The following ABCA7 variants were observed in gnomAD, a reference collection of about 807,000 sequenced individuals.
ABCA7 encodes the protein ATP binding cassette subfamily A member 7, also known as phospholipid-transporting ATPase ABCA7.
In ABCA7, 261 loss-of-function variants were observed where a neutral mutation model predicts 227.6. That is an observed-to-expected ratio of 1.15 (90% CI 1.04 to 1.27). ABCA7 has a LOEUF of 1.27. Among genes scored for constraint, ABCA7 ranks in the 50% most tolerant of loss-of-function variants. ABCA7 has a pLI of 0.00. For synonymous variants in ABCA7, 1,488 were observed against 1,279.7 expected (o/e 1.16, Z -3.47); for missense variants, 3,331 against 2,924.5 (o/e 1.14, Z -3.21).
In ABCA7 at chr19:1,053,401, A is replaced by AGCTGGT. The variant is rs2041951581; in HGVS notation, c.3304_3309dup (p.Val1102_Leu1103dup). Reference sequence around the variant, plus strand: ...CGGCTGGTGGAGGAGCTGCCACACGAGCTGGTGCTGGTGCTGCCCTACACG... The same window carrying AGCTGGT: ...CGGCTGGTGGAGGAGCTGCCACACGAGCTGGTGCTGGTGCTGGTGCTGCCCTACACG... On this transcript the variant is annotated inframe_insertion, in exon 24 of 47. Transcript: ENST00000263094. The AGCTGGT allele has an allele frequency of 1.2e-6, 2 of 1,608,198 alleles. No individual in the cohort carries two copies. The highest frequency in any genetic ancestry group is 1.7e-6 in the Non-Finnish European group (2 of 1,178,978).
chr19:1,060,763 G>T lies in ABCA7; in HGVS notation c.5464-1019G>T, dbSNP rs1313926164. Among the ~76,000 whole-genome samples the T allele has an allele frequency of 4.6e-5, 7 of 152,060 alleles. No homozygotes were observed. In the East Asian group the frequency reaches 1.4e-3, roughly 30 times the overall value. ...TTGAACTCTTGACCTCAGGTGATCT[G>T]CCCACCTCGGCTTCCCAAAGTGCTG... On this transcript the variant is annotated intron_variant, in intron 40 of 46. Transcript: ENST00000263094.
At position 1,063,795 on chromosome 19, in the gene ABCA7, GCGCTTC is replaced by G; in HGVS notation, c.5885_5890del (p.Arg1962_Phe1963del). The G allele has an allele frequency of 6.5e-7, 1 of 1,546,774 alleles. No homozygotes were observed. Among genetic ancestry groups the G allele is most frequent in the African/African-American group, 1.4e-5 (1 of 73,172 alleles). ...CCACAGGCATGGACCCCAGCGCGCG[GCGCTTC>G]CTTTGGAACAGCCTTTTGGCCGTGG... On this transcript the variant is annotated inframe_deletion, in exon 44 of 47. Coordinates refer to ENST00000263094, the MANE Select transcript of ABCA7 (RefSeq NM_019112.4).
intron 35 of ABCA7, 47 bp from the exon 36 acceptor site, chr19:1,057,868 C>A: frequency 6.2e-7 from 1 of 1,606,668 alleles, no homozygotes. Flanking sequence ...CCTCTCAGGG[C>A]TTCTCAGTCT....
Position 1,053,773 on chromosome 19 carries a change from T to C in ABCA7, c.3424-15T>C. On this transcript the variant is annotated splice_polypyrimidine_tract_variant and intron_variant, in intron 24 of 46. Transcript: ENST00000263094. Reference sequence around the variant, plus strand: ...TGTCGGTGTCCAGTCTCTGAGCCCCTGCTTGTCTCCCCAGATCTTCCTGAA... The same window carrying C: ...TGTCGGTGTCCAGTCTCTGAGCCCCCGCTTGTCTCCCCAGATCTTCCTGAA... The C allele has an allele frequency of 6.2e-7, 1 of 1,609,330 alleles. No individual in the cohort carries two copies. The highest frequency in any genetic ancestry group is 8.5e-7 in the Non-Finnish European group (1 of 1,177,116).
intron 41 of ABCA7, 25 bp downstream of exon 41, chr19:1,061,913 G>A (rs2042682486): frequency 1.3e-6 from 2 of 1,550,446 alleles, no homozygotes; most frequent in South Asian, 1.2e-5. Flanking sequence ...GTAGGGTCAG[G>A]GTGGGGCAGG....
rs1245527209 is a variant in ABCA7, at chr19:1,063,793, C to T, written c.5881C>T (p.Arg1961Trp). ...EPTTGMDPSA[R>W]RFLWNSLLAV... ...GACCACAGGCATGGACCCCAGCGCG[C>T]GGCGCTTCCTTTGGAACAGCCTTTT... The change falls in exon 44 of 47, where the codon CGG (arginine) becomes TGG (tryptophan). Residue 1961 changes from arginine to tryptophan, a missense_variant. Arg to Trp is a moderately radical substitution (Grantham distance 101, BLOSUM62 -3). Coordinates refer to ENST00000263094, the MANE Select transcript of ABCA7 (RefSeq NM_019112.4). 7 of 1,546,590 alleles carry T rather than the reference C, an allele frequency of 4.5e-6. No homozygotes were observed. The highest frequency in any genetic ancestry group is 2.4e-5 in the East Asian group (1 of 41,016).
chr19:1,043,750 C>A lies in ABCA7; in HGVS notation c.956C>A (p.Thr319Asn). ...AQVNRTFEEL[T>N]LLRDVREVWE... Reference sequence around the variant, plus strand: ...GTGAACCGGACCTTCGAGGAGCTCACCCTGCTGAGGGATGTCCGGGAGGTG... The same window carrying A: ...GTGAACCGGACCTTCGAGGAGCTCAACCTGCTGAGGGATGTCCGGGAGGTG... The change falls in exon 10 of 47, where the codon ACC becomes AAC. Residue 319 changes from threonine (T) to asparagine (N), a missense_variant. Transcript: ENST00000263094. 6.2e-7 allele frequency: 1 copy of A among 1,613,054 alleles called. No homozygotes were observed. The highest frequency in any genetic ancestry group is 1.1e-5 in the South Asian group (1 of 91,074).
rs772183547 is a variant in ABCA7, at chr19:1,065,440, C to A, written c.*15C>A. On this transcript the variant is annotated 3_prime_UTR_variant, in exon 47 of 47. Transcript: ENST00000263094. ...CTGTGCTCTGAGCCTCCCTCCCCTG[C>A]GGGGCCGCGGGGAGGCCCTGGGAAT... The A allele has an allele frequency of 2.1e-5, 34 of 1,611,748 alleles. No individual in the cohort carries two copies. The highest frequency in any genetic ancestry group is 2.9e-5 in the Non-Finnish European group (34 of 1,179,104).
chr19:1,051,011 C>T lies in ABCA7; in HGVS notation c.2643C>T (p.Pro881=), dbSNP rs746183107. The T allele has an allele frequency of 6.2e-7, 1 of 1,612,188 alleles. No individual in the cohort carries two copies. Among genetic ancestry groups the T allele is most frequent in the African/African-American group, 1.3e-5 (1 of 74,908 alleles). The change falls in exon 19 of 47, where the codon CCC becomes CCT. Residue 881 remains proline (P), a synonymous_variant. Coordinates refer to ENST00000263094, the MANE Select transcript of ABCA7 (RefSeq NM_019112.4). ...GCTCCAGCATGGCCGCCATCCGGCC[C>T]CACCTGGGCGTCTGTCCTCAGTACA... is the stretch of plus-strand genomic sequence containing the variant. ...DVRSSMAAIR[P]HLGVCPQYNV...
Position 1,055,914 on chromosome 19 carries a change from A to C in ABCA7, c.4213A>C (p.Thr1405Pro), listed in dbSNP as rs2042210174. ...TGTCCATCTCTCCCACAGCCTGAAG[A>C]CTAAGAAGTGGGTGAATGAGGTCAG... Reference protein sequence around the residue: ...YPRLVRQGLKTKKWVNEVRYG... With the variant: ...YPRLVRQGLKPKKWVNEVRYG... The change falls in exon 31 of 47, where the codon ACT (threonine) becomes CCT (proline). Residue 1405 changes from threonine to proline, a missense_variant. Coordinates refer to ENST00000263094, the MANE Select transcript of ABCA7 (RefSeq NM_019112.4). The C allele has an allele frequency of 1.9e-6, 3 of 1,593,058 alleles. No individual in the cohort carries two copies. The highest frequency in any genetic ancestry group is 2.6e-6 in the Non-Finnish European group (3 of 1,169,028).
At position 1,051,138 on chromosome 19, in the gene ABCA7, C is replaced by T. The variant is rs2041585553; in HGVS notation, c.2685-17C>T. On this transcript the variant is annotated splice_polypyrimidine_tract_variant and intron_variant, in intron 19 of 46. Coordinates refer to ENST00000263094, the MANE Select transcript of ABCA7 (RefSeq NM_019112.4). The stretch of plus-strand genomic sequence containing the variant: ...TGCCTGCCATGTGGGTCACTCTGCT[C>T]TGTGCACTGGCCGCAGGCTGACCGT... 6.2e-7 allele frequency: 1 copy of T among 1,611,296 alleles called. No homozygotes were observed. Among genetic ancestry groups the T allele is most frequent in the African/African-American group, 1.3e-5 (1 of 75,014 alleles).
At position 1,058,477 on chromosome 19, in the gene ABCA7, T is replaced by C; in HGVS notation, c.5150-141T>C. ...ATTACATCACAAGAGGCCTCTTCTGTTTTCTATGCCAATTAGACTCCAGCT... is the reference window on the plus strand; with the variant it reads ...ATTACATCACAAGAGGCCTCTTCTGCTTTCTATGCCAATTAGACTCCAGCT... On this transcript the variant is annotated intron_variant, in intron 37 of 46. Transcript: ENST00000263094. 3.4e-6 allele frequency: 5 copies of C among 1,452,850 alleles called. No individual in the cohort carries two copies. The South Asian group carries it at 6.5e-5, about 19-fold the overall frequency. The allele number at this position is 1,452,850 out of a possible 1,614,324, so 90.0% of individuals were successfully genotyped here.
intron 40 of ABCA7, 31 bp from the exon 41 acceptor site, chr19:1,061,751 C>T (rs1444005022): frequency 3.1e-6 from 5 of 1,588,590 alleles, no homozygotes; most frequent in Non-Finnish European, 4.3e-6. Context: ...CCTGGGGCCT[C>T]ACTGAGCACC....
In ABCA7 at chr19:1,047,140, C is replaced by G. The variant is rs776306372; in HGVS notation, c.1846-17C>G. The G allele has an allele frequency of 6.3e-7, 1 of 1,591,554 alleles. No individual in the cohort carries two copies. The highest frequency in any genetic ancestry group is 8.5e-7 in the Non-Finnish European group (1 of 1,171,932). ...CAATCCAGGAGCTGCACCCTAAGCT[C>G]CCGTTGCCTCTCACAGCTGGGAGAC... On this transcript the variant is annotated splice_polypyrimidine_tract_variant and intron_variant, in intron 14 of 46. Coordinates refer to ENST00000263094, the MANE Select transcript of ABCA7 (RefSeq NM_019112.4).
Position 1,051,198 on chromosome 19 carries a change from G to C in ABCA7, c.2728G>C (p.Gly910Arg). ...CGTCTGGTTCTATGGGCGGCTGAAG[G>C]GTCTGAGTGCCGCTGTAGTGGGCCC... ...EHVWFYGRLKGLSAAVVGPEQ... is the reference protein window; with the variant it reads ...EHVWFYGRLKRLSAAVVGPEQ... Residue 910 changes from glycine to arginine, a missense_variant, in exon 20 of 47, where the codon GGT (glycine) becomes CGT (arginine). Gly to Arg is a moderately radical substitution (Grantham distance 125). Coordinates refer to ENST00000263094, the MANE Select transcript of ABCA7 (RefSeq NM_019112.4). 6.2e-7 allele frequency: 1 copy of C among 1,611,310 alleles called. No homozygotes were observed. Among genetic ancestry groups the C allele is most frequent in the Non-Finnish European group, 8.5e-7 (1 of 1,179,902 alleles).
rs758646366 is a variant in ABCA7 at position 1,051,310 on chromosome 19, A to G, written c.2824+16A>G. The G allele has an allele frequency of 1.3e-6, 2 of 1,581,252 alleles. No homozygotes were observed. The highest frequency in any genetic ancestry group is 1.7e-6 in the Non-Finnish European group (2 of 1,162,692). ...CACCTCTCTGGTGAGCCCATCCCCA[A>G]GGGAGGTCACCTCACAGGGAGGGGC... On this transcript the variant is annotated intron_variant, in intron 20 of 46. Coordinates refer to ENST00000263094, the MANE Select transcript of ABCA7 (RefSeq NM_019112.4).
chr19:1,047,226 A>C lies in ABCA7; in HGVS notation c.1915A>C (p.Thr639Pro). The C allele has an allele frequency of 6.2e-7, 1 of 1,608,996 alleles. No individual in the cohort carries two copies. ...FLFLAAFAVATVTQSFLLSAF... is the reference protein window; with the variant it reads ...FLFLAAFAVAPVTQSFLLSAF... ...GTTCTTGGCAGCCTTCGCGGTGGCC[A>C]CGGTGACCCAGAGCTTCCTGCTCAG... Residue 639 changes from threonine to proline, a missense_variant, in exon 15 of 47, where the codon ACG (threonine) becomes CCG (proline). Physicochemically the swap from Thr to Pro is conservative, Grantham distance 38. Coordinates refer to ENST00000263094, the MANE Select transcript of ABCA7 (RefSeq NM_019112.4).
In ABCA7 at chr19:1,054,101, G is replaced by C. The variant is rs148143428; in HGVS notation, c.3568G>C (p.Gly1190Arg). 1.2e-6 allele frequency: 2 copies of C among 1,613,220 alleles called. No individual in the cohort carries two copies. The highest frequency in any genetic ancestry group is 8.5e-7 in the Non-Finnish European group (1 of 1,179,952). Residue 1190 changes from glycine to arginine, a missense_variant, in exon 26 of 47, where the codon GGG (glycine) becomes CGG (arginine). Coordinates refer to ENST00000263094, the MANE Select transcript of ABCA7 (RefSeq NM_019112.4). The surrounding 1 kb of genome is among the most constrained non-coding windows in gnomAD (Gnocchi z 4.8). ...MPPQETALEN[G>R]EPAGSAPETD... ...GCCACAGGAGACAGCGCTGGAGAAC[G>C]GGGAACCAGGTAAGTCCTTCCCAGT...
chr19:1,060,455 C>G (rs1003184370), intron 40 of ABCA7, among the ~76,000 whole-genome samples: 1 of 151,960 alleles, frequency 6.6e-6, no homozygotes, highest in Non-Finnish European at 1.5e-5. Context: ...AAATGATCCA[C>G]CCACCTTGGC....
Sources: allele counts gnomAD v4.1 joint callset (sites outside exome capture counted in the v4.1 genomes callset), GRCh38; gene constraint gnomAD v4.1.1; non-coding constraint Gnocchi (gnomAD v3.1); transcripts MANE v1.5; gene names NCBI Gene and HGNC (gene_info 2026-07-23, HGNC 2026-07-21).